Variants in XKR9 observed in about 807,000 individuals in gnomAD.
The protein encoded by XKR9 is XK-related protein 9.
In XKR9, 32 loss-of-function variants were observed where a neutral mutation model predicts 32.0. The observed-to-expected ratio is 1.00, with a 90% CI of 0.76 to 1.34. XKR9 has a LOEUF of 1.34. XKR9 is among the 40% of genes most tolerant of loss of function. XKR9 has a pLI of 0.00. For synonymous variants in XKR9, 168 were observed against 143.4 expected, an observed-to-expected ratio of 1.17 and a Z score of -1.22; for missense variants, 546 against 429.7, an observed-to-expected ratio of 1.27 and a Z score of -2.39.
intron 2 of XKR9, among the ~76,000 whole-genome samples, chr8:70,762,569 C>T (rs1244905062): frequency 2.0e-5 from 3 of 152,196 alleles, no homozygotes; most frequent in South Asian, 4.1e-4. Flanking sequence ...TGAAACCATT[C>T]CCTCACCTCA....
At chr8:70,789,236 A>T (rs912934749) in intron 2 of XKR9, 1 of 152,102 alleles carries the variant, frequency 6.6e-6, no homozygotes, top group Non-Finnish European at 1.5e-5. Flanking sequence ...TGTAATTTTT[A>T]AAAATTTAAT....
the XKR9 span, among the ~76,000 whole-genome samples, chr8:71,006,115 T>C: frequency 1.3e-5 from 2 of 152,368 alleles, no homozygotes; most frequent in African/African-American, 4.8e-5. Context: ...AAATAATTAA[T>C]ATGAAGGCAG....
chr8:70,905,003 T>C, the XKR9 span, among the ~76,000 whole-genome samples: 2 of 152,374 alleles, frequency 1.3e-5, no homozygotes, highest in African/African-American at 4.8e-5. Flanking sequence ...GTTAGTCTGA[T>C]GGGCTTGCCT....
At chr8:70,727,402 G>C (rs1164875965) in intron 4 of XKR9, among the ~76,000 whole-genome samples, 1 of 150,772 alleles carries the variant, frequency 6.6e-6, no homozygotes, top group Non-Finnish European at 1.5e-5. Context: ...GGGGATCAGA[G>C]TTTTTTTGTT....
chr8:70,966,000 C>T, the XKR9 span, among the ~76,000 whole-genome samples: 11 of 152,040 alleles, frequency 7.2e-5, no homozygotes, highest in East Asian at 5.8e-4. Context: ...CTTTTAGTTG[C>T]GATCTTAGGT....
chr8:70,900,993 C>CT, the XKR9 span, among the ~76,000 whole-genome samples: 1 of 152,122 alleles, frequency 6.6e-6, no homozygotes, highest in South Asian at 2.1e-4. Flanking sequence ...TGAACTCATC[C>CT]TTTTTTATGG....
intron 4 of XKR9, among the ~76,000 whole-genome samples, chr8:70,710,747 CAAA>C (rs1320474550): frequency 6.6e-6 from 1 of 151,606 alleles, no homozygotes; most frequent in South Asian, 2.1e-4. Flanking sequence ...AAACAAAAAA[CAAA>C]AGCAATTGCA....
At chr8:71,053,277 GA>G in the XKR9 span, among the ~76,000 whole-genome samples, 1 of 152,188 alleles carries the variant, frequency 6.6e-6, no homozygotes, top group African/African-American at 2.4e-5. Context: ...TGAGTCATTG[GA>G]TCCGGAGTAT....
chr8:70,989,548 C>T, the XKR9 span, among the ~76,000 whole-genome samples: 1 of 152,194 alleles, frequency 6.6e-6, no homozygotes, highest in Non-Finnish European at 1.5e-5. Context: ...TGAGCTGTGA[C>T]TCTCAGCTAT....
chr8:70,696,436 G>A (rs541283076), intron 3 of XKR9, among the ~76,000 whole-genome samples: 1 of 151,576 alleles, frequency 6.6e-6, no homozygotes, highest in African/African-American at 2.4e-5. Context: ...TTATTAAATA[G>A]GGAATCCTTT....
the XKR9 span, among the ~76,000 whole-genome samples, chr8:70,878,333 A>G: frequency 6.6e-6 from 1 of 152,220 alleles, no homozygotes; most frequent in Non-Finnish European, 1.5e-5. Context: ...AATGTGCTGA[A>G]TGCCCCAATT....
the XKR9 span, among the ~76,000 whole-genome samples, chr8:70,993,026 T>A: frequency 1.3e-5 from 2 of 152,256 alleles, no homozygotes; most frequent in Non-Finnish European, 2.9e-5. Flanking sequence ...TTATTACCTT[T>A]GTGTCTCTTC....
rs780623297 is a variant in XKR9 at position 70,681,140 on chromosome 8, G to T, written c.82G>T (p.Val28Leu). 4.3e-6 allele frequency: 7 copies of T among 1,613,154 alleles called. No individual in the cohort carries two copies. The highest frequency in any genetic ancestry group is 3.3e-4 in the Middle Eastern group (2 of 6,078). ...AACTGATTTAATTGTGGACATATGG[G>T]TATCTGTCAGATTTTTCCATGAAGG... is the stretch of plus-strand genomic sequence containing the variant. The part of the protein sequence containing the change: ...YVTDLIVDIW[V>L]SVRFFHEGQY... Residue 28 changes from valine to leucine, a missense_variant, in exon 3 of 5, where the codon GTA (valine) becomes TTA (leucine). Physicochemically the swap from Val to Leu is conservative, Grantham distance 32. Coordinates refer to ENST00000408926, the MANE Select transcript of XKR9 (RefSeq NM_001011720.2).
the XKR9 span, among the ~76,000 whole-genome samples, chr8:70,889,230 C>A: frequency 6.6e-6 from 1 of 151,350 alleles, no homozygotes; most frequent in Non-Finnish European, 1.5e-5. Flanking sequence ...AATGGGATCG[C>A]CATCTTGATT....
At chr8:71,064,192 A>G in the XKR9 span, among the ~76,000 whole-genome samples, 1 of 152,086 alleles carries the variant, frequency 6.6e-6, no homozygotes, top group Non-Finnish European at 1.5e-5. Flanking sequence ...TTTAATGTGT[A>G]TTTGCTTAAT....
the XKR9 span, among the ~76,000 whole-genome samples, chr8:71,025,098 G>A: frequency 6.6e-6 from 1 of 152,104 alleles, no homozygotes; most frequent in Admixed American, 6.5e-5. Context: ...TTATTCATGA[G>A]GAAATAGGAG....
chr8:70,774,086 A>G (rs1807488120), intron 2 of XKR9, among the ~76,000 whole-genome samples: 1 of 152,168 alleles, frequency 6.6e-6, no homozygotes, highest in South Asian at 2.1e-4. Flanking sequence ...CTCATGATGT[A>G]ACACAATAAA....
the XKR9 span, among the ~76,000 whole-genome samples, chr8:70,809,263 A>C: frequency 6.6e-6 from 1 of 152,254 alleles, no homozygotes; most frequent in East Asian, 1.9e-4. Context: ...ACTAACAAAC[A>C]GAAAGGACAT....
the XKR9 span, among the ~76,000 whole-genome samples, chr8:70,852,647 C>T: frequency 2.0e-5 from 3 of 152,122 alleles, no homozygotes; most frequent in South Asian, 4.1e-4. Flanking sequence ...GGCATATATA[C>T]ACCATGGAAT....
Sources: allele counts gnomAD v4.1 joint callset (sites outside exome capture counted in the v4.1 genomes callset), GRCh38; gene constraint gnomAD v4.1.1; transcripts MANE v1.5; gene names NCBI Gene and HGNC (gene_info 2026-07-23, HGNC 2026-07-21).